The following TUSC3 variants were observed in gnomAD, a reference collection of about 807,000 sequenced individuals.
The protein encoded by TUSC3 is tumor suppressor candidate 3.
In TUSC3, 45 loss-of-function variants were observed where a neutral mutation model predicts 44.8. That is an observed-to-expected ratio of 1.00 (90% CI 0.79 to 1.29). The LOEUF (loss-of-function observed/expected upper bound fraction) is 1.29. TUSC3 is among the 50% of genes most tolerant of loss of function. TUSC3 has a pLI of 0.00. For missense variants in TUSC3, 519 were observed against 437.9 expected, an observed-to-expected ratio of 1.19 and a Z score of -1.65; for synonymous variants, 212 against 152.9, an observed-to-expected ratio of 1.39 and a Z score of -2.85.
At chr8:15,489,289 T>G (rs1800775610) in intron 2 of TUSC3, among the ~76,000 whole-genome samples, 1 of 152,154 alleles carries the variant, frequency 6.6e-6, no homozygotes, top group Non-Finnish European at 1.5e-5. Flanking sequence ...CTGGAGGAAT[T>G]AAGTTGTTAT....
chr8:15,728,086 T>C (rs1240305791), intron 6 of TUSC3, among the ~76,000 whole-genome samples: 1 of 152,182 alleles, frequency 6.6e-6, no homozygotes, highest in Non-Finnish European at 1.5e-5. Flanking sequence ...GCTGCATTTT[T>C]AAATTGAAAA....
chr8:15,582,335 TC>T lies in TUSC3; in HGVS notation c.139-40744del, dbSNP rs1245972207. ...TGTTCAGCCATCTTCCTCTGCTTTT[TC>T]TGTGAAGGTGTAAACAGTGAGGTAC... On this transcript the variant is annotated intron_variant, in intron 1 of 10. Transcript: ENST00000503731. Among the ~76,000 whole-genome samples the T allele has an allele frequency of 2.6e-5, 4 of 152,326 alleles. No homozygotes were observed. In the East Asian group the frequency reaches 7.7e-4, roughly 29 times the overall value.
At chr8:15,781,599 AAAG>A in the TUSC3 span, among the ~76,000 whole-genome samples, 3,411 of 152,274 alleles carry the variant, frequency 0.022, 125 homozygotes, top group African/African-American at 0.076. Flanking sequence ...AGAAAGAAAA[AAAG>A]AAAATGGAAT....
At chr8:15,773,767 T>G in the TUSC3 span, among the ~76,000 whole-genome samples, 1 of 152,122 alleles carries the variant, frequency 6.6e-6, no homozygotes, top group South Asian at 2.1e-4. Flanking sequence ...AGAATGGAAT[T>G]GGGAATCCAA....
At chr8:15,692,672 T>C (rs1386336395) in intron 6 of TUSC3, among the ~76,000 whole-genome samples, 1 of 151,418 alleles carries the variant, frequency 6.6e-6, no homozygotes, top group African/African-American at 2.4e-5. Context: ...TTTTTTTTTT[T>C]TCTATTTCCA....
At chr8:15,636,795 A>G (rs1260585175) in intron 2 of TUSC3, among the ~76,000 whole-genome samples, 1 of 152,208 alleles carries the variant, frequency 6.6e-6, no homozygotes, top group Non-Finnish European at 1.5e-5. Context: ...TAAAGAGTTC[A>G]TTAAGGTGTT....
At chr8:15,545,125 G>T (rs1489667335) in intron 1 of TUSC3, among the ~76,000 whole-genome samples, 2 of 151,532 alleles carry the variant, frequency 1.3e-5, no homozygotes, top group Admixed American at 6.6e-5. Context: ...TCATATGCCT[G>T]ATGTCGTACA....
chr8:15,734,478 AAT>A (rs1334071396), intron 7 of TUSC3, among the ~76,000 whole-genome samples: 4 of 152,206 alleles, frequency 2.6e-5, no homozygotes, highest in African/African-American at 9.6e-5. Context: ...TTTAATATGG[AAT>A]ATAAACCATC....
In TUSC3 at chr8:15,764,244, A is replaced by G. The variant is rs766696541; in HGVS notation, c.*88A>G. 6 of 1,603,970 alleles carry G rather than the reference A, an allele frequency of 3.7e-6. No individual in the cohort carries two copies. The Admixed American group carries it at 8.4e-5, about 22-fold the overall frequency. The stretch of plus-strand genomic sequence containing the variant: ...AGCCAAGTGGGATTTGCATAAAGTG[A>G]ATGTTTACCATGAAGATAAACTGTT... On this transcript the variant is annotated 3_prime_UTR_variant, in exon 11 of 11. Transcript: ENST00000503731.
intron 3 of TUSC3, among the ~76,000 whole-genome samples, chr8:15,655,302 C>A (rs749130344): frequency 1.3e-5 from 2 of 152,118 alleles, no homozygotes; most frequent in African/African-American, 4.8e-5. Context: ...GACAAAATGG[C>A]GGTGTTTAAC....
chr8:15,552,098 T>C (rs1160662010), intron 1 of TUSC3, among the ~76,000 whole-genome samples: 1 of 151,790 alleles, frequency 6.6e-6, no homozygotes, highest in Non-Finnish European at 1.5e-5. Flanking sequence ...GTTTGGGTGT[T>C]GATTTCTTAA....
intron 1 of TUSC3, among the ~76,000 whole-genome samples, chr8:15,439,101 T>C (rs1378755700): frequency 6.6e-6 from 1 of 152,134 alleles, no homozygotes; most frequent in Non-Finnish European, 1.5e-5. Context: ...CTCGTCCATA[T>C]ACATCCATCA....
chr8:15,671,028 C>G (rs1435665065), intron 5 of TUSC3, among the ~76,000 whole-genome samples: 3 of 151,900 alleles, frequency 2.0e-5, no homozygotes, highest in African/African-American at 7.2e-5. Flanking sequence ...AGGCTCACAG[C>G]TAATACCAAT....
the TUSC3 span, among the ~76,000 whole-genome samples, chr8:15,783,089 G>T: frequency 6.6e-6 from 1 of 152,006 alleles, no homozygotes; most frequent in East Asian, 1.9e-4. Flanking sequence ...AAGATTAAGA[G>T]AACAATTCCA....
chr8:15,789,878 C>T, the TUSC3 span, among the ~76,000 whole-genome samples: 9 of 152,234 alleles, frequency 5.9e-5, no homozygotes, highest in East Asian at 1.4e-3. Context: ...AGACACGCCC[C>T]TAAATTGGGG....
chr8:15,503,041 C>G lies in TUSC3; in HGVS notation n.189+19558C>G, dbSNP rs564678536. ...TCTGAGACCCATCCTTGTGTGAAAC[C>G]AGTTACGGGTTTATGTCCACTTTCC... On this transcript the variant is annotated intron_variant and non_coding_transcript_variant, in intron 2 of 5. Transcript: ENST00000503191. 3.3e-3 allele frequency among the ~76,000 whole-genome samples: 499 copies of G among 152,156 alleles called. 1 individual carries two copies. Among genetic ancestry groups the G allele is most frequent in the African/African-American group, 0.012 (484 of 41,522 alleles).
At chr8:15,648,486 A>T (rs546221372) in intron 2 of TUSC3, among the ~76,000 whole-genome samples, 42 of 146,122 alleles carry the variant, frequency 2.9e-4, no homozygotes, top group African/African-American at 1.0e-3. Flanking sequence ...CAGCACTTTG[A>T]GAGGCTGAGG....
In TUSC3 at chr8:15,528,602, A is replaced by T. The variant is rs112688061; in HGVS notation, n.189+45119A>T. Among the ~76,000 whole-genome samples the T allele has an allele frequency of 1.3e-3, 195 of 152,266 alleles. 2 individuals carry two copies. The highest frequency in any genetic ancestry group is 4.5e-3 in the African/African-American group (189 of 41,560). ...GATAGCAAAATTATCTCTGCTTTTC[A>T]CCTGGCTTCACGGCTACCTTTCCAG... On this transcript the variant is annotated intron_variant and non_coding_transcript_variant, in intron 2 of 5. Transcript: ENST00000503191.
intron 7 of TUSC3, among the ~76,000 whole-genome samples, chr8:15,732,378 A>C (rs1036484634): frequency 6.6e-6 from 1 of 152,148 alleles, no homozygotes; most frequent in African/African-American, 2.4e-5. Context: ...TCCCCTGCAC[A>C]TGCTGTCTCT....
Sources: gnomAD v4.1 joint callset for allele counts (sites outside exome capture counted in the v4.1 genomes callset) on GRCh38, gnomAD v4.1.1 for gene constraint, MANE v1.5 for transcripts, NCBI Gene and HGNC (gene_info 2026-07-23, HGNC 2026-07-21) for gene names.